The following CHKB variants were observed in gnomAD, a reference collection of about 807,000 sequenced individuals.
CHKB encodes choline kinase beta, also known as choline/ethanolamine kinase.
CHKB carries 45 observed loss-of-function variants against 57.3 expected under a neutral mutation model. The ratio of observed to expected loss-of-function variants is 0.79; its 90% confidence interval spans 0.62 to 1.01. The LOEUF (loss-of-function observed/expected upper bound fraction) is 1.01, where lower values mean the gene tolerates loss of function less well. Among genes scored for constraint, CHKB ranks in the 50% least tolerant of loss-of-function variants. The pLI, the probability that CHKB is intolerant of heterozygous loss-of-function variation, is 0.00. For missense variants in CHKB, 517 were observed against 502.8 expected, an observed-to-expected ratio of 1.03 and a Z score of -0.27; for synonymous variants, 224 against 201.8, an observed-to-expected ratio of 1.11 and a Z score of -0.93.
At chr22:50,579,591 T>A in intron 9 of CHKB, 84 bp from the exon 10 acceptor site, 1 of 1,542,608 alleles carries the variant, frequency 6.5e-7, no homozygotes. Context: ...GGCCAATCCC[T>A]ACAGTTTTAA....
rs138074497 is a variant in CHKB, at chr22:50,579,728, G to T, written c.1030C>A (p.Arg344=). The T allele has an allele frequency of 1.2e-5, 19 of 1,607,826 alleles. No homozygotes were observed. The South Asian group carries it at 1.9e-4, about 16-fold the overall frequency. ...LEEDLLVEVS[R]YALASHFFWG... ...CCCACCCTGCCCCTCCTTCCTCACC[G>T]ACTGACTTCTACCAGCAAATCTTCT... The change falls in exon 9 of 11, where the codon CGG becomes AGG. Residue 344 remains arginine (R), a splice_region_variant and synonymous_variant. Coordinates refer to ENST00000406938, the MANE Select transcript of CHKB (RefSeq NM_005198.5).
intron 4 of CHKB, among the ~76,000 whole-genome samples, chr22:50,581,047 C>G (rs896077068): frequency 2.0e-5 from 3 of 152,154 alleles, no homozygotes; most frequent in Non-Finnish European, 4.4e-5. Context: ...TCCCGAAGTG[C>G]TAGGATTACA....
chr22:50,580,720 T>C (rs1032658314), intron 4 of CHKB, 60 bp from the exon 5 acceptor site: 1 of 1,482,858 alleles, frequency 6.7e-7, no homozygotes. Context: ...CTCGCCTATC[T>C]ACCCCTCAGG....
chr22:50,582,445 C>CATGGG (rs2070716015), intron 1 of CHKB, 88 bp from the exon 2 acceptor site: 2 of 1,457,194 alleles, frequency 1.4e-6, no homozygotes, highest in Admixed American at 4.6e-5. Context: ...GGCCCCGCCC[C>CATGGG]GCCCCAGGCG....
chr22:50,582,269 G>A lies in CHKB; in HGVS notation c.313C>T (p.Leu105=). The A allele has an allele frequency of 1.3e-6, 2 of 1,592,994 alleles. No homozygotes were observed. The highest frequency in any genetic ancestry group is 2.3e-5 in the South Asian group (2 of 87,444). Residue 105 remains leucine, a synonymous_variant, in exon 2 of 11, where the codon CTG becomes TTG. Transcript: ENST00000406938. ...GEEPREVLLR[L]YGAILQGVDS... ...CTCACCTGCAAGATGGCTCCGTACA[G>A]CCGCAGAAGCACCTCCCGGGGCTCC...
intron 2 of CHKB, 61 bp downstream of exon 2, chr22:50,582,188 C>T: frequency 1.4e-6 from 2 of 1,417,148 alleles, no homozygotes; most frequent in East Asian, 2.5e-5. Flanking sequence ...CAATACTACC[C>T]GCATCGCGTA....
rs778897184 is a variant in CHKB, at chr22:50,580,233, T to G, written c.775A>C (p.Ser259Arg). The G allele has an allele frequency of 1.2e-6, 2 of 1,614,008 alleles. No homozygotes were observed. Among genetic ancestry groups the G allele is most frequent in the Non-Finnish European group, 1.7e-6 (2 of 1,179,990 alleles). ...TACTCGAAGTCCACCAGCATGAGGC[T>G]GTCAGCATTTTCTGGCTCTGAGAGC... Reference protein sequence around the residue: ...LLLSEPENADSLMLVDFEYSS... With the variant: ...LLLSEPENADRLMLVDFEYSS... Residue 259 changes from serine to arginine, a missense_variant, in exon 7 of 11, where the codon AGC (serine) becomes CGC (arginine). Transcript: ENST00000406938.
chr22:50,579,029 G>T lies in CHKB; in HGVS notation c.*152C>A. ...GGGGCTCTGGCCTGCCAGCCATGGG[G>T]ACCTACTCAAACTCAGGAACAGGCC... On this transcript the variant is annotated 3_prime_UTR_variant, in exon 11 of 11. Transcript: ENST00000406938. The T allele has an allele frequency of 1.4e-6, 1 of 740,270 alleles. No individual in the cohort carries two copies. The highest frequency in any genetic ancestry group is 2.7e-5 in the East Asian group (1 of 37,170). The allele number at this position is 740,270 out of a possible 1,614,324, so 45.9% of individuals were successfully genotyped here. A position where few individuals can be genotyped will look rare whatever the true frequency, so the allele number is the denominator to read the frequency against.
chr22:50,579,407 C>T lies in CHKB; in HGVS notation c.1113+19G>A. 2.5e-6 allele frequency: 4 copies of T among 1,609,846 alleles called. No homozygotes were observed. Among genetic ancestry groups the T allele is most frequent in the Non-Finnish European group, 3.4e-6 (4 of 1,177,804 alleles). ...TCCCCAGCCCCCCAGCTAGCATTCC[C>T]ATCCCCAGGGTCACTTACCAAGTAA... On this transcript the variant is annotated intron_variant, in intron 10 of 10. Transcript: ENST00000406938.
chr22:50,581,737 C>G lies in CHKB; in HGVS notation c.447+12G>C, dbSNP rs749454476. 4.0e-5 allele frequency: 64 copies of G among 1,611,796 alleles called. No homozygotes were observed. The highest frequency in any genetic ancestry group is 4.7e-5 in the Non-Finnish European group (55 of 1,178,530). On this transcript the variant is annotated intron_variant, in intron 3 of 10. Transcript: ENST00000406938. ...GTGCCTTGGGGAGGAGAGGGTAGGA[C>G]TGGGCCCGTACTGGGATGTACTGTT... is the stretch of plus-strand genomic sequence containing the variant.
In CHKB at chr22:50,579,781, A is replaced by C. The variant is rs1569052350; in HGVS notation, c.977T>G (p.Leu326Arg). 6 of 1,613,738 alleles carry C rather than the reference A, an allele frequency of 3.7e-6. No homozygotes were observed. Among genetic ancestry groups the C allele is most frequent in the Non-Finnish European group, 5.1e-6 (6 of 1,180,018 alleles). Residue 326 changes from leucine (L) to arginine (R), a missense_variant, in exon 9 of 11, where the codon CTC becomes CGC. By Grantham distance (102) the Leu-to-Arg change is moderately radical. Coordinates refer to ENST00000406938, the MANE Select transcript of CHKB (RefSeq NM_005198.5). ...YLAEAKKGET[L>R]SQEEQRKLEE... ...CAGTTTTCTCTGCTCCTCTTGGGAG[A>C]GGGTCTCACCTTTCTTTGCCTCTGC...
chr22:50,582,669 GC>G lies in CHKB; in HGVS notation c.112del (p.Ala38ProfsTer32). The stretch of plus-strand genomic sequence containing the variant: ...CTCGGCGTCACGCGACAGCGACGAG[GC>G]GCGCCGCCGTTTTGGGGTAGTGTCC... The part of the protein sequence containing the change: ...CPDTTPKRRR[A>X]SSLSRDAERR... On this transcript the variant is annotated frameshift_variant, in exon 1 of 11. Coordinates refer to ENST00000406938, the MANE Select transcript of CHKB (RefSeq NM_005198.5). LOFTEE classifies it high-confidence loss of function. 6.2e-7 allele frequency: 1 copy of G among 1,608,782 alleles called. No individual in the cohort carries two copies. The highest frequency in any genetic ancestry group is 8.5e-7 in the Non-Finnish European group (1 of 1,178,572).
chr22:50,579,159 T>C lies in CHKB; in HGVS notation c.*22A>G, dbSNP rs756167681. The C allele has an allele frequency of 6.2e-7, 1 of 1,609,936 alleles. No individual in the cohort carries two copies. Among genetic ancestry groups the C allele is most frequent in the Admixed American group, 1.7e-5 (1 of 59,782 alleles). On this transcript the variant is annotated 3_prime_UTR_variant, in exon 11 of 11. Coordinates refer to ENST00000406938, the MANE Select transcript of CHKB (RefSeq NM_005198.5). ...CCTGCCCTGGAGGCTCCAGGAGAAA[T>C]CCAAGGAGTGGGAGGGTGGAGTCAG... is the stretch of plus-strand genomic sequence containing the variant.
At chr22:50,582,142 C>T in intron 2 of CHKB, 107 bp downstream of exon 2, 1 of 1,056,212 alleles carries the variant, frequency 9.5e-7, no homozygotes, top group South Asian at 1.4e-5. Flanking sequence ...GTTACTCAGA[C>T]CGTGAACCTC....
In CHKB at chr22:50,579,265, G is replaced by A. The variant is rs1320650579; in HGVS notation, c.1114-10C>T. 1.9e-6 allele frequency: 3 copies of A among 1,613,298 alleles called. No individual in the cohort carries two copies. The highest frequency in any genetic ancestry group is 2.5e-6 in the Non-Finnish European group (3 of 1,179,664). On this transcript the variant is annotated splice_polypyrimidine_tract_variant and intron_variant, in intron 10 of 10. Coordinates refer to ENST00000406938, the MANE Select transcript of CHKB (RefSeq NM_005198.5). The stretch of plus-strand genomic sequence containing the variant: ...GAGACTGGGCATAGTCCTAGGGAAG[G>A]AAACCCACCCCACACAGTGGTGAGA...
rs967408054 is a variant in CHKB at position 50,582,259 on chromosome 22, G to A, written c.323C>T (p.Ala108Val). The change falls in exon 2 of 11, where the codon GCC becomes GTC. Residue 108 changes from alanine to valine, a missense_variant. By Grantham distance (64) the Ala-to-Val change is moderately conservative. Transcript: ENST00000406938. ...PREVLLRLYG[A>V]ILQGVDSLVL... ...TCACACCCCCCTCACCTGCAAGATG[G>A]CTCCGTACAGCCGCAGAAGCACCTC... The A allele has an allele frequency of 1.9e-6, 3 of 1,590,862 alleles. No homozygotes were observed. The highest frequency in any genetic ancestry group is 2.3e-5 in the South Asian group (2 of 87,286).
At chr22:50,579,866 A>C in intron 8 of CHKB, 36 bp from the exon 9 acceptor site, 1 of 1,600,536 alleles carries the variant, frequency 6.2e-7, no homozygotes, top group South Asian at 1.1e-5. Flanking sequence ...AATTGGGGAG[A>C]CTGTGGAGTA....
At chr22:50,581,603 G>A in intron 3 of CHKB, 50 bp from the exon 4 acceptor site, 2 of 1,612,190 alleles carry the variant, frequency 1.2e-6, no homozygotes, top group East Asian at 2.2e-5. Flanking sequence ...GCAGGAGTGG[G>A]AAGGGCTGGG....
Position 50,579,167 on chromosome 22 carries a change from G to GT in CHKB, c.*13dup, listed in dbSNP as rs1295236243. 5.0e-6 allele frequency: 8 copies of GT among 1,612,232 alleles called. No individual in the cohort carries two copies. Among genetic ancestry groups the GT allele is most frequent in the Non-Finnish European group, 6.8e-6 (8 of 1,178,984 alleles). On this transcript the variant is annotated 3_prime_UTR_variant, in exon 11 of 11. Coordinates refer to ENST00000406938, the MANE Select transcript of CHKB (RefSeq NM_005198.5). ...GGAGGCTCCAGGAGAAATCCAAGGA[G>GT]TGGGAGGGTGGAGTCAGGATGAGGA... is the stretch of plus-strand genomic sequence containing the variant.
Sources: gnomAD v4.1 joint callset for allele counts (sites outside exome capture counted in the v4.1 genomes callset) on GRCh38, gnomAD v4.1.1 for gene constraint, MANE v1.5 for transcripts, NCBI Gene and HGNC (gene_info 2026-07-23, HGNC 2026-07-21) for gene names.